Variants in SEMA3A observed in about 807,000 individuals in gnomAD.
SEMA3A encodes the protein semaphorin-3A.
In SEMA3A, 29 loss-of-function variants were observed where a neutral mutation model predicts 97.9. That is an observed-to-expected ratio of 0.30 (90% CI 0.22 to 0.40). SEMA3A has a LOEUF of 0.40. SEMA3A is among the 10% of genes least tolerant of loss of function. The pLI, the probability that SEMA3A is intolerant of heterozygous loss-of-function variation, is 1.00. For synonymous variants in SEMA3A, 321 were observed against 323.7 expected, an observed-to-expected ratio of 0.99 and a Z score of 0.09; for missense variants, 763 against 951.3, an observed-to-expected ratio of 0.80 and a Z score of 2.60.
At chr7:83,985,386 C>G (rs761700077) in intron 13 of SEMA3A, 50 bp downstream of exon 13, 2 of 1,326,332 alleles carry the variant, frequency 1.5e-6, no homozygotes, top group Admixed American at 3.8e-5. Flanking sequence ...ATTGAAACAC[C>G]AGAATTAACA....
chr7:84,234,612 C>T (rs865842133), intron 3 of SEMA3A, among the ~76,000 whole-genome samples: 1 of 151,958 alleles, frequency 6.6e-6, no homozygotes, highest in Non-Finnish European at 1.5e-5. Context: ...TGCGCTTGGG[C>T]GTCTTCAACT....
At chr7:84,065,274 G>A (rs1793433761) in intron 4 of SEMA3A, among the ~76,000 whole-genome samples, 2 of 124,070 alleles carry the variant, frequency 1.6e-5, no homozygotes, top group Admixed American at 1.7e-4. Context: ...AAAGCAGTGT[G>A]TAGAGGGAAA....
In SEMA3A at chr7:84,456,680, G is replaced by T. The variant is rs1055973062; in HGVS notation, c.-246+35780C>A. ...TAGAAAATAATTTCATTGGTAAATT[G>T]TTCAATTGAAAAAGTTGTCATTTTT... On this transcript the variant is annotated intron_variant, in intron 1 of 3. Transcript: ENST00000424555. Among the ~76,000 whole-genome samples, 27 of 151,664 alleles carry T rather than the reference G, an allele frequency of 1.8e-4. 1 individual carries two copies. The highest frequency in any genetic ancestry group is 6.3e-4 in the African/African-American group (26 of 41,360).
chr7:84,209,567 G>A (rs946715956), intron 3 of SEMA3A, among the ~76,000 whole-genome samples: 3 of 152,034 alleles, frequency 2.0e-5, no homozygotes, highest in Non-Finnish European at 4.4e-5. Flanking sequence ...GCTGAAAATA[G>A]TATATCCAAA....
chr7:84,309,945 A>G (rs570937227), intron 2 of SEMA3A, among the ~76,000 whole-genome samples: 1 of 152,238 alleles, frequency 6.6e-6, no homozygotes, highest in Non-Finnish European at 1.5e-5. Flanking sequence ...ACTATAAACC[A>G]AATTTAAATG....
chr7:84,401,166 T>C (rs569795076), intron 1 of SEMA3A, among the ~76,000 whole-genome samples: 186 of 152,260 alleles, frequency 1.2e-3, no homozygotes, highest in African/African-American at 4.2e-3. Context: ...TTCAGTAAGA[T>C]TGCGTGTTAC....
At chr7:84,414,420 T>A (rs1376574562) in intron 1 of SEMA3A, among the ~76,000 whole-genome samples, 2 of 151,614 alleles carry the variant, frequency 1.3e-5, no homozygotes. Context: ...ACAGTATTGT[T>A]ATGTAGCCTC....
chr7:83,970,827 G>A, intron 15 of SEMA3A, among the ~76,000 whole-genome samples: 1 of 152,106 alleles, frequency 6.6e-6, no homozygotes, highest in East Asian at 1.9e-4. Context: ...CAAAGGTCAA[G>A]AATAGGAGGA....
chr7:84,155,543 T>A (rs1796820874), intron 1 of SEMA3A, among the ~76,000 whole-genome samples: 1 of 152,166 alleles, frequency 6.6e-6, no homozygotes, highest in Non-Finnish European at 1.5e-5. Context: ...GTGTCAACTT[T>A]TGCCAAACAT....
In SEMA3A at chr7:84,307,474, G is replaced by A. The variant is rs113677173; in HGVS notation, c.-168-182C>T. Among the ~76,000 whole-genome samples, 5 of 152,236 alleles carry A rather than the reference G, an allele frequency of 3.3e-5. 1 individual carries two copies. Among genetic ancestry groups the A allele is most frequent in the African/African-American group, 1.2e-4 (5 of 41,566 alleles). On this transcript the variant is annotated intron_variant, in intron 2 of 3. Transcript: ENST00000424555. ...TTATGGAAGGCAGGTACTGAATTTG[G>A]CAAACATTTTATTCTGGCTTATCCA...
At chr7:84,220,311 C>A (rs1025412252) in intron 3 of SEMA3A, among the ~76,000 whole-genome samples, 1 of 152,182 alleles carries the variant, frequency 6.6e-6, no homozygotes, top group Non-Finnish European at 1.5e-5. Flanking sequence ...ATTTCACCAC[C>A]CCTGCAATTA....
chr7:84,012,092 G>A (rs1024085374), intron 7 of SEMA3A, among the ~76,000 whole-genome samples: 3 of 152,076 alleles, frequency 2.0e-5, no homozygotes, highest in Non-Finnish European at 2.9e-5. Context: ...GGGGAGGGAT[G>A]AAGAGATTTG....
chr7:84,163,537 C>T (rs555704120), intron 1 of SEMA3A, among the ~76,000 whole-genome samples: 76 of 152,040 alleles, frequency 5.0e-4, no homozygotes, highest in East Asian at 9.7e-4. Context: ...ATATCAACGA[C>T]GCATAGAAAT....
intron 3 of SEMA3A, among the ~76,000 whole-genome samples, chr7:84,268,959 G>T (rs1230645499): frequency 6.6e-6 from 1 of 152,066 alleles, no homozygotes; most frequent in Non-Finnish European, 1.5e-5. Context: ...TCCTCCTCCT[G>T]CTAGCAAAAT....
chr7:84,156,088 T>C (rs1281607189), intron 1 of SEMA3A, among the ~76,000 whole-genome samples: 2 of 152,174 alleles, frequency 1.3e-5, no homozygotes, highest in African/African-American at 4.8e-5. Flanking sequence ...CTTTTTATAA[T>C]TAGGATTTTG....
intron 1 of SEMA3A, among the ~76,000 whole-genome samples, chr7:84,181,319 A>T (rs974545008): frequency 1.4e-5 from 2 of 144,746 alleles, no homozygotes; most frequent in African/African-American, 2.5e-5. Flanking sequence ...TAATGTTACA[A>T]ATATATATAT....
intron 2 of SEMA3A, among the ~76,000 whole-genome samples, chr7:84,368,172 A>G (rs1188305444): frequency 2.0e-5 from 3 of 151,118 alleles, no homozygotes; most frequent in African/African-American, 7.3e-5. Flanking sequence ...CAAAAATTCT[A>G]TTTTTCTTTA....
In SEMA3A at chr7:84,256,699, T is replaced by C. The variant is rs148215261; in HGVS notation, c.-83+50508A>G. Among the ~76,000 whole-genome samples the C allele has an allele frequency of 2.6e-3, 402 of 152,180 alleles. 3 individuals carry two copies. The highest frequency in any genetic ancestry group is 0.017 in the Middle Eastern group (5 of 294). ...AAGGGCTTGAAGAAACTCTGGTAACTTTATCCCCTTTAGTCACAAACTGTG... is the reference window on the plus strand; with the variant it reads ...AAGGGCTTGAAGAAACTCTGGTAACCTTATCCCCTTTAGTCACAAACTGTG... On this transcript the variant is annotated intron_variant, in intron 3 of 3. Coordinates refer to the SEMA3A transcript ENST00000424555.
At chr7:84,334,273 TGAA>T (rs1801980018) in intron 2 of SEMA3A, among the ~76,000 whole-genome samples, 1 of 152,040 alleles carries the variant, frequency 6.6e-6, no homozygotes, top group Admixed American at 6.6e-5. Context: ...TTTTATGTAA[TGAA>T]GATTTCAGAG....
Sources: allele counts gnomAD v4.1 joint callset (sites outside exome capture counted in the v4.1 genomes callset), GRCh38; gene constraint gnomAD v4.1.1; transcripts MANE v1.5; gene names NCBI Gene and HGNC (gene_info 2026-07-23, HGNC 2026-07-21).